The following CASP5 variants were observed in gnomAD, a reference collection of about 807,000 sequenced individuals.
CASP5 encodes caspase-5.
Under a neutral mutation model 45.2 loss-of-function variants are expected in CASP5, and 42 were observed. The observed-to-expected ratio is 0.93, with a 90% CI of 0.73 to 1.20. The LOEUF is 1.20. Among genes scored for constraint, CASP5 ranks in the 50% most tolerant of loss-of-function variants. The pLI is 0.00. For synonymous variants in CASP5, 209 were observed against 186.2 expected, an observed-to-expected ratio of 1.12 and a Z score of -1.00; for missense variants, 512 against 532.2, an observed-to-expected ratio of 0.96 and a Z score of 0.37.
At chr11:105,012,981 G>A (rs1186615563) in intron 1 of CASP5, among the ~76,000 whole-genome samples, 1 of 151,924 alleles carries the variant, frequency 6.6e-6, no homozygotes, top group Non-Finnish European at 1.5e-5. Flanking sequence ...CTTCCATTGT[G>A]ATTGCAGCAT....
intron 1 of CASP5, among the ~76,000 whole-genome samples, chr11:105,011,913 A>G (rs1281649607): frequency 1.3e-5 from 2 of 151,760 alleles, no homozygotes; most frequent in African/African-American, 4.8e-5. Context: ...CTCCAATGGC[A>G]TTTTTTACAG....
chr11:105,017,653 A>T (rs548506864), intron 1 of CASP5, among the ~76,000 whole-genome samples: 1 of 152,100 alleles, frequency 6.6e-6, no homozygotes, highest in Non-Finnish European at 1.5e-5. Context: ...ATATGGGACT[A>T]TGTGAAAAGA....
chr11:105,012,748 TAA>T (rs35831463), intron 1 of CASP5, among the ~76,000 whole-genome samples: 3 of 149,148 alleles, frequency 2.0e-5, no homozygotes, highest in African/African-American at 4.9e-5. Context: ...ATGGGTATTA[TAA>T]AAAAAAAAGA....
At chr11:105,012,247 C>T (rs577272132) in intron 1 of CASP5, among the ~76,000 whole-genome samples, 4 of 151,776 alleles carry the variant, frequency 2.6e-5, no homozygotes, top group Non-Finnish European at 4.4e-5. Flanking sequence ...AGAATGAAAA[C>T]GGGCCCTTAT....
In CASP5 at chr11:104,998,979, G is replaced by A; in HGVS notation, c.1002C>T (p.Leu334=). 1 of 1,613,772 alleles carries A rather than the reference G, an allele frequency of 6.2e-7. No homozygotes were observed. The highest frequency in any genetic ancestry group is 8.5e-7 in the Non-Finnish European group (1 of 1,179,726). The change falls in exon 7 of 10, where the codon CTC becomes CTT. Residue 334 remains leucine (L), a synonymous_variant. Transcript: ENST00000260315. Reference sequence around the variant, plus strand: ...GGTTCTCAGATGACTGTGAAGAGATGAGTGCCAAGGATGCTGGAGAGTCTC... The same window carrying A: ...GGTTCTCAGATGACTGTGAAGAGATAAGTGCCAAGGATGCTGGAGAGTCTC... ...WVRDSPASLA[L]ISSQSSENLE... is the part of the protein sequence containing the mutation.
chr11:105,004,018 T>A (rs1591160500), intron 3 of CASP5, among the ~76,000 whole-genome samples: 4 of 152,242 alleles, frequency 2.6e-5, no homozygotes, highest in Admixed American at 2.6e-4. Context: ...CAGATACATG[T>A]ATACAACAAA....
At chr11:105,021,699 T>C (rs1368316311) in intron 1 of CASP5, among the ~76,000 whole-genome samples, 3 of 147,118 alleles carry the variant, frequency 2.0e-5, no homozygotes, top group Non-Finnish European at 4.5e-5. Flanking sequence ...GGAACACTTT[T>C]ACACTGTTGG....
At chr11:105,003,211 A>G in intron 4 of CASP5, 63 bp downstream of exon 4, 1 of 1,021,376 alleles carries the variant, frequency 9.8e-7, no homozygotes, top group South Asian at 1.3e-5. Flanking sequence ...AAAAATGTGC[A>G]TTGCATTTAA....
intron 6 of CASP5, among the ~76,000 whole-genome samples, chr11:104,999,966 A>AC (rs1317090708): frequency 2.6e-5 from 4 of 152,242 alleles, no homozygotes; most frequent in Non-Finnish European, 4.4e-5. Context: ...GCTATCATGT[A>AC]AATGATTCCA....
intron 6 of CASP5, among the ~76,000 whole-genome samples, chr11:104,999,282 C>T (rs1174828955): frequency 6.6e-6 from 1 of 152,114 alleles, no homozygotes; most frequent in Non-Finnish European, 1.5e-5. Flanking sequence ...TCAACCCTCA[C>T]TTATAAGTGA....
At chr11:104,995,880 T>G (rs772932514) in intron 8 of CASP5, 38 bp from the exon 9 acceptor site, 11 of 1,331,920 alleles carry the variant, frequency 8.3e-6, no homozygotes, top group Admixed American at 1.7e-5. Context: ...TGAGGGATTT[T>G]GGGTTCTCAG....
intron 1 of CASP5, among the ~76,000 whole-genome samples, chr11:105,021,265 T>C (rs75585158): frequency 0.05 from 7,006 of 139,802 alleles, 276 homozygotes; most frequent in Admixed American, 0.12. Context: ...ACTTCATGTC[T>C]AAAACACCAA....
rs1565388044 is a variant in CASP5, at chr11:105,009,762, CACACACACGT to C, written c.8-792_8-783del. Among the ~76,000 whole-genome samples the C allele has an allele frequency of 5.0e-3, 345 of 68,348 alleles. 20 individuals are homozygous for C. The highest frequency in any genetic ancestry group is 0.019 in the African/African-American group (325 of 17,218). 44.8% of individuals were successfully genotyped at this position (68,348 alleles called of 152,430 possible). A position where few individuals can be genotyped will look rare whatever the true frequency, so the allele number is the denominator to read the frequency against. On this transcript the variant is annotated intron_variant, in intron 1 of 9. Coordinates refer to ENST00000260315, the MANE Select transcript of CASP5 (RefSeq NM_004347.5). ...ATATATATATATATATATATATACA[CACACACACGT>C]ATATATATATATATACACACGTATA...
chr11:105,020,145 TG>T, intron 1 of CASP5, among the ~76,000 whole-genome samples: 1 of 145,938 alleles, frequency 6.9e-6, no homozygotes, highest in East Asian at 1.9e-4. Context: ...TAGGTATTGA[TG>T]GGATGTATTT....
Position 104,997,447 on chromosome 11 carries a change from G to A in CASP5, c.1142C>T (p.Thr381Met), listed in dbSNP as rs547070785. 88 of 1,613,120 alleles carry A rather than the reference G, an allele frequency of 5.5e-5. No individual in the cohort carries two copies. The highest frequency in any genetic ancestry group is 4.1e-4 in the African/African-American group (31 of 74,990). The change falls in exon 8 of 10, where the codon ACG (threonine) becomes ATG (methionine). Residue 381 changes from threonine (T) to methionine (M), a missense_variant. By Grantham distance (81) the Thr-to-Met change is moderately conservative. Transcript: ENST00000260315. ...RDRTRGSIFI[T>M]ELITCFQKYS... ...TTTCTGGAAGCATGTGATGAGTTCCGTAATGAAGATGGAGCCCCTTGTGCG... is the reference window on the plus strand; with the variant it reads ...TTTCTGGAAGCATGTGATGAGTTCCATAATGAAGATGGAGCCCCTTGTGCG...
chr11:105,010,019 C>T (rs1862258786), intron 1 of CASP5, among the ~76,000 whole-genome samples: 1 of 149,660 alleles, frequency 6.7e-6, no homozygotes, highest in Non-Finnish European at 1.5e-5. Flanking sequence ...TGTGGAAAAG[C>T]CAGATATCTC....
rs1185731776 is a variant in CASP5 at position 105,007,232 on chromosome 11, A to G, written c.284T>C (p.Leu95Ser). Residue 95 changes from leucine to serine, a missense_variant, in exon 3 of 10, where the codon TTG becomes TCG. Transcript: ENST00000260315. ...ATATTTTTTCTTTTCCTCTTCCTTC[A>G]ATGTCAGAACATCGTGTTTTGCCAA... is the stretch of plus-strand genomic sequence containing the variant. ...NYLAKHDVLT[L>S]KEEEKKKYYD... 5.0e-6 allele frequency: 8 copies of G among 1,613,494 alleles called. No homozygotes were observed. In the South Asian group the frequency reaches 8.8e-5, roughly 18 times the overall value.
Position 105,016,581 on chromosome 11 carries a change from G to A in CASP5, c.7+6549C>T, listed in dbSNP as rs532245473. Among the ~76,000 whole-genome samples the A allele has an allele frequency of 3.9e-5, 6 of 152,158 alleles. No homozygotes were observed. The South Asian group carries it at 6.2e-4, about 16-fold the overall frequency. ...CTGGAAAATCGGGTCACTTCCACCC[G>A]AATACTGCGCTTTTCCAACCGGCTT... On this transcript the variant is annotated intron_variant, in intron 1 of 9. Transcript: ENST00000260315.
intron 4 of CASP5, among the ~76,000 whole-genome samples, chr11:105,002,503 G>A (rs1287981933): frequency 6.6e-6 from 1 of 152,056 alleles, no homozygotes; most frequent in Non-Finnish European, 1.5e-5. Context: ...TAAACCAAGA[G>A]GTGTTGTCAT....
Sources: gnomAD v4.1 joint callset for allele counts (sites outside exome capture counted in the v4.1 genomes callset) on GRCh38, gnomAD v4.1.1 for gene constraint, MANE v1.5 for transcripts, NCBI Gene and HGNC (gene_info 2026-07-23, HGNC 2026-07-21) for gene names.